The following GPR137C variants were observed in gnomAD, a reference collection of about 807,000 sequenced individuals.
GPR137C encodes integral membrane protein GPR137C.
In GPR137C, 27 loss-of-function variants were observed where a neutral mutation model predicts 43.4. The observed-to-expected ratio is 0.62, with a 90% CI of 0.46 to 0.86. The LOEUF (loss-of-function observed/expected upper bound fraction) is 0.86. Among genes scored for constraint, GPR137C ranks in the 40% least tolerant of loss-of-function variants. GPR137C has a pLI of 0.00. For synonymous variants in GPR137C, 285 were observed against 226.9 expected (o/e 1.26, Z -2.30); for missense variants, 522 against 534.6 (o/e 0.98, Z 0.23).
intron 1 of GPR137C, among the ~76,000 whole-genome samples, chr14:52,589,383 TTCTA>T (rs776285878): frequency 3.3e-5 from 5 of 152,186 alleles, no homozygotes; most frequent in African/African-American, 9.7e-5. Context: ...AAATTTTATG[TTCTA>T]TCTATGTTAC....
chr14:52,561,776 C>A (rs955653908), intron 1 of GPR137C, among the ~76,000 whole-genome samples: 36 of 152,054 alleles, frequency 2.4e-4, no homozygotes, highest in Non-Finnish European at 1.0e-4. Flanking sequence ...AAAGTGCAAA[C>A]CTATGGTCAC....
chr14:52,597,345 G>C (rs1016938093), intron 1 of GPR137C, among the ~76,000 whole-genome samples: 4 of 152,192 alleles, frequency 2.6e-5, no homozygotes, highest in Non-Finnish European at 4.4e-5. Context: ...TGAATCCATA[G>C]CACCTTTCAT....
chr14:52,556,921 G>A (rs2038203942), intron 1 of GPR137C, among the ~76,000 whole-genome samples: 1 of 151,974 alleles, frequency 6.6e-6, no homozygotes, highest in African/African-American at 2.4e-5. Context: ...TGCTTAATCA[G>A]GATAAAGTAC....
chr14:52,577,829 T>C (rs1594787197), intron 1 of GPR137C, among the ~76,000 whole-genome samples: 2 of 146,824 alleles, frequency 1.4e-5, no homozygotes, highest in South Asian at 2.1e-4. Context: ...TAGCTGGGCG[T>C]GGTGGCATGC....
At chr14:52,591,391 T>C (rs909402814) in intron 1 of GPR137C, among the ~76,000 whole-genome samples, 8 of 152,208 alleles carry the variant, frequency 5.3e-5, no homozygotes, top group African/African-American at 1.7e-4. Context: ...TTCCAGATCC[T>C]TGAGGAATCG....
intron 1 of GPR137C, among the ~76,000 whole-genome samples, chr14:52,576,309 C>T (rs985993312): frequency 6.6e-6 from 1 of 152,148 alleles, no homozygotes; most frequent in Admixed American, 6.5e-5. Context: ...ATTTCATACT[C>T]GTTATAGCTG....
intron 3 of GPR137C, chr14:52,612,153 T>C: frequency 1.0e-6 from 1 of 983,816 alleles, no homozygotes; most frequent in Non-Finnish European, 1.2e-6. Flanking sequence ...TTTCTGATTA[T>C]TAAAACTTGG....
chr14:52,606,908 T>C (rs2038989644), intron 3 of GPR137C, among the ~76,000 whole-genome samples: 1 of 152,198 alleles, frequency 6.6e-6, no homozygotes, highest in South Asian at 2.1e-4. Context: ...TTTCTATTTT[T>C]TTGATGGAGG....
intron 3 of GPR137C, among the ~76,000 whole-genome samples, chr14:52,609,314 T>G (rs1234468334): frequency 6.6e-6 from 1 of 152,220 alleles, no homozygotes; most frequent in Non-Finnish European, 1.5e-5. Flanking sequence ...CTCATTTGAG[T>G]CTCTGTGATT....
intron 3 of GPR137C, among the ~76,000 whole-genome samples, chr14:52,630,144 A>G (rs1406524733): frequency 6.6e-6 from 1 of 152,080 alleles, no homozygotes; most frequent in Non-Finnish European, 1.5e-5. Context: ...TCATTGTTTT[A>G]TGTATGTAAT....
chr14:52,560,510 C>T (rs556733900), intron 1 of GPR137C, among the ~76,000 whole-genome samples: 2 of 152,200 alleles, frequency 1.3e-5, no homozygotes, highest in South Asian at 4.2e-4. Context: ...TGAAGAGTAA[C>T]TGTAAAGCTA....
At chr14:52,581,527 C>T (rs187956736) in intron 1 of GPR137C, among the ~76,000 whole-genome samples, 2,385 of 149,398 alleles carry the variant, frequency 0.016, 24 homozygotes, top group Non-Finnish European at 0.026. Flanking sequence ...CAGAGAGACT[C>T]CGTCTCAAAA....
At chr14:52,574,725 C>A (rs542816242) in intron 1 of GPR137C, among the ~76,000 whole-genome samples, 50 of 152,128 alleles carry the variant, frequency 3.3e-4, no homozygotes, top group African/African-American at 1.2e-3. Flanking sequence ...ACAAAAAAAT[C>A]CAGATTAAAG....
At chr14:52,554,632 T>G (rs1053281654) in intron 1 of GPR137C, among the ~76,000 whole-genome samples, 2 of 151,928 alleles carry the variant, frequency 1.3e-5, no homozygotes, top group African/African-American at 4.8e-5. Context: ...CAGACTAATA[T>G]AGAATAATAT....
intron 2 of GPR137C, 34 bp downstream of exon 2, chr14:52,598,349 A>AT: frequency 1.1e-6 from 1 of 934,328 alleles, no homozygotes. Flanking sequence ...TTCTATCTAA[A>AT]AGATCTAAAG....
chr14:52,628,856 C>A (rs2039261378), intron 3 of GPR137C, among the ~76,000 whole-genome samples: 1 of 151,968 alleles, frequency 6.6e-6, no homozygotes, highest in Admixed American at 6.6e-5. Context: ...AAAGACAGGC[C>A]ACAGACTTAA....
intron 1 of GPR137C, among the ~76,000 whole-genome samples, chr14:52,596,125 A>G (rs560896499): frequency 7.9e-5 from 12 of 152,100 alleles, no homozygotes; most frequent in Non-Finnish European, 1.3e-4. Flanking sequence ...TTCAGAACCT[A>G]TTTGCCTGGG....
At chr14:52,564,810 A>C (rs1236681929) in intron 1 of GPR137C, among the ~76,000 whole-genome samples, 3 of 152,278 alleles carry the variant, frequency 2.0e-5, no homozygotes, top group Non-Finnish European at 4.4e-5. Context: ...TATTGAATGA[A>C]GTTCTTGTTC....
chr14:52,598,245 A>AATT, intron 1 of GPR137C, 27 bp from the exon 2 acceptor site: 1 of 1,052,784 alleles, frequency 9.5e-7, no homozygotes, highest in Non-Finnish European at 1.4e-6. Context: ...ACGTTTTCAA[A>AATT]ATTTTTTTTT....
Sources: allele counts gnomAD v4.1 joint callset (sites outside exome capture counted in the v4.1 genomes callset), GRCh38; gene constraint gnomAD v4.1.1; transcripts MANE v1.5; gene names NCBI Gene and HGNC (gene_info 2026-07-23, HGNC 2026-07-21).